The following GPBP1 variants were observed in gnomAD, a reference collection of about 807,000 sequenced individuals.
GPBP1 encodes the protein vasculin.
Under a neutral mutation model 56.5 loss-of-function variants are expected in GPBP1, and 13 were observed. That is an observed-to-expected ratio of 0.23 (90% CI 0.15 to 0.37). The LOEUF is 0.37. Among genes scored for constraint, GPBP1 ranks in the 10% least tolerant of loss-of-function variants. GPBP1 has a pLI of 1.00. For synonymous variants in GPBP1, 204 were observed against 188.9 expected (o/e 1.08, Z -0.66); for missense variants, 477 against 572.3 (o/e 0.83, Z 1.70).
intron 2 of GPBP1, among the ~76,000 whole-genome samples, chr5:57,179,820 A>T (rs989316401): frequency 4.6e-5 from 7 of 150,820 alleles, no homozygotes; most frequent in African/African-American, 1.7e-4. Context: ...CTGTTCTCAA[A>T]CTCCTAACTT....
At chr5:57,208,265 A>T (rs555521992) in intron 2 of GPBP1, among the ~76,000 whole-genome samples, 1 of 152,098 alleles carries the variant, frequency 6.6e-6, no homozygotes, top group African/African-American at 2.4e-5. Flanking sequence ...ATAGAGTCTC[A>T]TTTTGTTGCT....
intron 1 of GPBP1, among the ~76,000 whole-genome samples, chr5:57,175,243 G>A (rs1483822440): frequency 1.3e-5 from 2 of 152,078 alleles, no homozygotes; most frequent in African/African-American, 4.8e-5. Flanking sequence ...GTCACCTACC[G>A]TTTTTCCCTC....
intron 3 of GPBP1, among the ~76,000 whole-genome samples, chr5:57,216,870 T>G: frequency 8.7e-5 from 1 of 11,454 alleles, no homozygotes; most frequent in South Asian, 2.0e-3. Context: ...CTGGAACGCT[T>G]TTTTTTTTTC....
intron 3 of GPBP1, among the ~76,000 whole-genome samples, chr5:57,223,468 C>G (rs927539303): frequency 2.0e-5 from 3 of 152,062 alleles, no homozygotes; most frequent in Non-Finnish European, 4.4e-5. Flanking sequence ...GGTACCTTAT[C>G]ATGGTTGAAA....
intron 3 of GPBP1, among the ~76,000 whole-genome samples, chr5:57,216,542 C>T (rs1246057386): frequency 6.6e-6 from 1 of 152,036 alleles, no homozygotes; most frequent in East Asian, 1.9e-4. Context: ...GCTAACATGG[C>T]CCAAACCCCG....
intron 6 of GPBP1, among the ~76,000 whole-genome samples, chr5:57,239,622 A>G (rs1247157368): frequency 1.3e-5 from 2 of 151,924 alleles, no homozygotes; most frequent in Non-Finnish European, 2.9e-5. Context: ...TCTACTAAAA[A>G]TACAAAAATT....
chr5:57,262,768 C>G lies in GPBP1; in HGVS notation c.*16C>G, dbSNP rs778333215. ...CGATGTGTGAAGGATTTCCTAACAGCTTTAGAAATCTTAGTGTGATACATC... is the reference window on the plus strand; with the variant it reads ...CGATGTGTGAAGGATTTCCTAACAGGTTTAGAAATCTTAGTGTGATACATC... On this transcript the variant is annotated 3_prime_UTR_variant, in exon 12 of 12. Transcript: ENST00000506184. 238 of 1,603,460 alleles carry G rather than the reference C, an allele frequency of 1.5e-4. 1 individual carries two copies. Among genetic ancestry groups the G allele is most frequent in the Middle Eastern group, 1.2e-3 (7 of 6,052 alleles).
intron 3 of GPBP1, among the ~76,000 whole-genome samples, chr5:57,216,686 AAAAAC>A (rs904433833): frequency 5.3e-5 from 8 of 152,178 alleles, no homozygotes; most frequent in South Asian, 2.1e-4. Flanking sequence ...ACTCTGTCTC[AAAAAC>A]AAAACAAAAC....
chr5:57,255,005 T>G (rs1741588670), intron 10 of GPBP1, among the ~76,000 whole-genome samples: 1 of 152,162 alleles, frequency 6.6e-6, no homozygotes, highest in Non-Finnish European at 1.5e-5. Context: ...CAGAAAAAAT[T>G]TAGCAAACAT....
chr5:57,209,423 C>T (rs1355325488), intron 2 of GPBP1, among the ~76,000 whole-genome samples: 1 of 152,166 alleles, frequency 6.6e-6, no homozygotes, highest in African/African-American at 2.4e-5. Flanking sequence ...TTCCCAGGCT[C>T]CCAAGTATCT....
chr5:57,247,242 G>T (rs1741135682), intron 8 of GPBP1, 27 bp downstream of exon 8: 2 of 1,565,170 alleles, frequency 1.3e-6, no homozygotes, highest in Non-Finnish European at 1.7e-6. Flanking sequence ...CACACTTGAG[G>T]AATGTAACAT....
intron 2 of GPBP1, among the ~76,000 whole-genome samples, chr5:57,196,784 C>CATT (rs956390540): frequency 6.6e-6 from 1 of 151,566 alleles, no homozygotes; most frequent in Non-Finnish European, 1.5e-5. Flanking sequence ...ATTTTATTAT[C>CATT]ATTATTATTA....
At chr5:57,208,479 C>T (rs1379422460) in intron 2 of GPBP1, among the ~76,000 whole-genome samples, 2 of 151,932 alleles carry the variant, frequency 1.3e-5, no homozygotes, top group African/African-American at 4.8e-5. Flanking sequence ...GTGATCTGCT[C>T]ACCTTGTCCT....
chr5:57,178,289 C>T (rs1348654563), intron 2 of GPBP1, among the ~76,000 whole-genome samples: 1 of 152,074 alleles, frequency 6.6e-6, no homozygotes, highest in African/African-American at 2.4e-5. Flanking sequence ...TGTCGCGTGC[C>T]CAGGCTAGAG....
chr5:57,255,401 C>T (rs1046584029), intron 10 of GPBP1, among the ~76,000 whole-genome samples: 7 of 152,202 alleles, frequency 4.6e-5, no homozygotes, highest in African/African-American at 1.7e-4. Context: ...AAATAATCAG[C>T]TACTGCCATG....
intron 2 of GPBP1, among the ~76,000 whole-genome samples, chr5:57,190,263 G>T (rs1384909956): frequency 6.6e-6 from 1 of 151,924 alleles, no homozygotes. Flanking sequence ...GATTATAGGA[G>T]GGTTGATTTG....
intron 2 of GPBP1, among the ~76,000 whole-genome samples, chr5:57,207,939 G>A (rs1212996376): frequency 3.9e-5 from 6 of 152,020 alleles, no homozygotes; most frequent in Non-Finnish European, 5.9e-5. Flanking sequence ...TGTCCCTCTC[G>A]ATGACGTCCA....
At chr5:57,212,438 C>T (rs1303421360) in intron 2 of GPBP1, among the ~76,000 whole-genome samples, 1 of 151,972 alleles carries the variant, frequency 6.6e-6, no homozygotes, top group Admixed American at 6.6e-5. Context: ...CTCTGAATAC[C>T]TGAATTTTTG....
At chr5:57,208,197 C>T (rs1241717139) in intron 2 of GPBP1, among the ~76,000 whole-genome samples, 1 of 152,152 alleles carries the variant, frequency 6.6e-6, no homozygotes, top group Admixed American at 6.6e-5. Flanking sequence ...GGGATTGGAG[C>T]CCTAGCCAGG....
Sources: allele counts gnomAD v4.1 joint callset (sites outside exome capture counted in the v4.1 genomes callset), GRCh38; gene constraint gnomAD v4.1.1; transcripts MANE v1.5; gene names NCBI Gene and HGNC (gene_info 2026-07-23, HGNC 2026-07-21).